Variants in EZR observed in about 807,000 individuals in gnomAD.
The protein encoded by EZR is cytovillin 2.
Under a neutral mutation model 74.8 loss-of-function variants are expected in EZR, and 40 were observed. The observed-to-expected ratio is 0.53, with a 90% CI of 0.42 to 0.70. The LOEUF (loss-of-function observed/expected upper bound fraction) is 0.70, where lower values mean the gene tolerates loss of function less well. Among genes scored for constraint, EZR ranks in the 30% least tolerant of loss-of-function variants. The probability of loss-of-function intolerance (pLI) is 0.00; values close to 1 mark genes in which losing one functional copy is unlikely to be tolerated. For missense variants in EZR, 678 were observed against 755.8 expected, an observed-to-expected ratio of 0.90 and a Z score of 1.21; for synonymous variants, 341 against 283.3, an observed-to-expected ratio of 1.20 and a Z score of -2.05.
intron 2 of EZR, among the ~76,000 whole-genome samples, chr6:158,798,884 T>G (rs1777131573): frequency 6.6e-6 from 1 of 152,054 alleles, no homozygotes; most frequent in Non-Finnish European, 1.5e-5. Flanking sequence ...CCACCTCAGT[T>G]TCTCAAAGTG....
intron 2 of EZR, among the ~76,000 whole-genome samples, chr6:158,789,911 T>C (rs959680280): frequency 6.6e-6 from 1 of 152,246 alleles, no homozygotes; most frequent in African/African-American, 2.4e-5. Context: ...TGGGCCACCC[T>C]GCCCAACCTA....
intron 2 of EZR, among the ~76,000 whole-genome samples, chr6:158,806,546 TA>T (rs1279553173): frequency 6.6e-6 from 1 of 151,394 alleles, no homozygotes; most frequent in Non-Finnish European, 1.5e-5. Context: ...AAAACTTCAG[TA>T]TATTGCTCTA....
chr6:158,790,897 G>C (rs1374529593), intron 2 of EZR, among the ~76,000 whole-genome samples: 1 of 152,168 alleles, frequency 6.6e-6, no homozygotes, highest in Non-Finnish European at 1.5e-5. Context: ...CATTTTTCAA[G>C]TGAAATATAC....
rs762671735 is a variant in EZR at position 158,784,664 on chromosome 6, C to T, written c.531G>A (p.Ala177=). Residue 177 remains alanine, a synonymous_variant, in exon 6 of 14, where the codon GCG becomes GCA. Coordinates refer to ENST00000367075, the MANE Select transcript of EZR (RefSeq NM_001111077.2). ...QWEDRIQVWH[A]EHRGMLKDNA... is the part of the protein sequence containing the mutation. ...CTCACTTGAGCATCCCACGGTGTTC[C>T]GCATGCCACACCTGGATCCGGTCCT... is the stretch of plus-strand genomic sequence containing the variant. The T allele has an allele frequency of 7.4e-6, 12 of 1,614,124 alleles. No homozygotes were observed. The highest frequency in any genetic ancestry group is 1.3e-5 in the African/African-American group (1 of 75,038).
At chr6:158,814,800 C>A (rs1777520685) in intron 2 of EZR, among the ~76,000 whole-genome samples, 1 of 152,140 alleles carries the variant, frequency 6.6e-6, no homozygotes, top group South Asian at 2.1e-4. Flanking sequence ...CTCGGCCTCC[C>A]AAAGTGCTGG....
chr6:158,809,279 C>G (rs1777404856), intron 2 of EZR, among the ~76,000 whole-genome samples: 1 of 152,146 alleles, frequency 6.6e-6, no homozygotes, highest in African/African-American at 2.4e-5. Flanking sequence ...AATGGACTTA[C>G]AAAACATCTG....
At chr6:158,778,708 C>T (rs1011390689) in intron 7 of EZR, among the ~76,000 whole-genome samples, 58 of 152,112 alleles carry the variant, frequency 3.8e-4, no homozygotes, top group African/African-American at 1.3e-3. Flanking sequence ...TGGTGCATCT[C>T]GAGGAGCCAG....
intron 12 of EZR, among the ~76,000 whole-genome samples, chr6:158,768,664 G>A (rs376851947): frequency 6.6e-6 from 1 of 152,198 alleles, no homozygotes; most frequent in African/African-American, 2.4e-5. Context: ...CCCAGACGGA[G>A]CGACAAGCTC....
rs772494253 is a variant in EZR, at chr6:158,767,323, G to A, written c.1534C>T (p.Arg512Cys). The change falls in exon 13 of 14, where the codon CGC becomes TGC. Residue 512 changes from arginine (R) to cysteine (C), a missense_variant. This residue lies in a region of EZR where 342 missense variants were observed against 341.2 expected (regional missense o/e 1.00). Transcript: ENST00000367075. The part of the protein sequence containing the change: ...ELSSEGIRDD[R>C]NEEKRITEAE... ...TCAGTGATGCGCTTCTCCTCATTGC[G>A]GTCATCCCGGATGCCCTCACTAGAC... 46 of 1,614,026 alleles carry A rather than the reference G, an allele frequency of 2.9e-5. No homozygotes were observed. The highest frequency in any genetic ancestry group is 3.4e-5 in the Non-Finnish European group (40 of 1,180,030).
At chr6:158,812,834 G>A (rs1005810279) in intron 2 of EZR, among the ~76,000 whole-genome samples, 4 of 151,970 alleles carry the variant, frequency 2.6e-5, no homozygotes, top group East Asian at 3.9e-4. Flanking sequence ...AGTCAGCCTC[G>A]ACACCACCCT....
At chr6:158,780,505 C>A (rs908634115) in intron 7 of EZR, among the ~76,000 whole-genome samples, 2 of 152,112 alleles carry the variant, frequency 1.3e-5, no homozygotes, top group African/African-American at 4.8e-5. Context: ...CAAGCGAAGC[C>A]CTGAGTACCT....
At chr6:158,782,677 A>C (rs1043357980) in intron 7 of EZR, among the ~76,000 whole-genome samples, 3 of 152,202 alleles carry the variant, frequency 2.0e-5, no homozygotes, top group African/African-American at 7.2e-5. Flanking sequence ...AGCCCTGCAG[A>C]GCAATCAGGC....
intron 2 of EZR, among the ~76,000 whole-genome samples, chr6:158,810,131 TCTC>T (rs1777423087): frequency 6.6e-6 from 1 of 152,330 alleles, no homozygotes; most frequent in African/African-American, 2.4e-5. Context: ...TACTGGTTCC[TCTC>T]CTATCAATAA....
intron 6 of EZR, among the ~76,000 whole-genome samples, chr6:158,784,283 A>G (rs774550223): frequency 6.6e-6 from 1 of 152,220 alleles, no homozygotes; most frequent in Non-Finnish European, 1.5e-5. Context: ...TACACTTTGT[A>G]AGACAAGTAC....
At chr6:158,799,099 T>C (rs1777137377) in intron 2 of EZR, among the ~76,000 whole-genome samples, 1 of 152,140 alleles carries the variant, frequency 6.6e-6, no homozygotes, top group Non-Finnish European at 1.5e-5. Flanking sequence ...GTTCATGAAG[T>C]CTGGTGTGGG....
In EZR at chr6:158,772,340, C is replaced by T. The variant is rs58206230; in HGVS notation, c.796-933G>A. Reference sequence around the variant, plus strand: ...GCCTTGAGCACATCCCTTCACCAGGCTCAGTGCCTTCAACCATAAGGCAGG... The same window carrying T: ...GCCTTGAGCACATCCCTTCACCAGGTTCAGTGCCTTCAACCATAAGGCAGG... On this transcript the variant is annotated intron_variant, in intron 8 of 13. Coordinates refer to ENST00000367075, the MANE Select transcript of EZR (RefSeq NM_001111077.2). Among the ~76,000 whole-genome samples, 786 of 152,390 alleles carry T rather than the reference C, an allele frequency of 5.2e-3. 10 individuals carry two copies. The highest frequency in any genetic ancestry group is 0.017 in the African/African-American group (708 of 41,590).
intron 2 of EZR, among the ~76,000 whole-genome samples, chr6:158,814,009 T>C (rs1398081367): frequency 6.6e-6 from 1 of 152,076 alleles, no homozygotes. Context: ...CACCCTAACA[T>C]GAAGGGGCGG....
intron 2 of EZR, among the ~76,000 whole-genome samples, chr6:158,800,936 C>T (rs1286105386): frequency 6.6e-6 from 1 of 152,170 alleles, no homozygotes; most frequent in Non-Finnish European, 1.5e-5. Context: ...TTTTATATGA[C>T]CTCTTCTTTT....
intron 2 of EZR, 122 bp downstream of exon 2, chr6:158,817,960 A>C: frequency 1.1e-6 from 1 of 921,102 alleles, no homozygotes; most frequent in South Asian, 2.0e-5. Context: ...TCCTATTCCT[A>C]TCGTCTTCTG....
Sources: allele counts gnomAD v4.1 joint callset (sites outside exome capture counted in the v4.1 genomes callset), GRCh38; gene constraint gnomAD v4.1.1; regional missense constraint gnomAD v4.1.1; transcripts MANE v1.5; gene names NCBI Gene and HGNC (gene_info 2026-07-23, HGNC 2026-07-21).